The following SDE2 variants were observed in gnomAD, a reference collection of about 807,000 sequenced individuals.
SDE2 encodes the protein splicing regulator SDE2.
In SDE2, 31 loss-of-function variants were observed where a neutral mutation model predicts 46.9. The ratio of observed to expected loss-of-function variants is 0.66; its 90% CI spans 0.50 to 0.89. SDE2 has a LOEUF of 0.89. Ranked by LOEUF, SDE2 falls within the 40% of genes least tolerant of loss-of-function variation. SDE2 has a pLI of 0.00. For missense variants in SDE2, 542 were observed against 564.4 expected, an observed-to-expected ratio of 0.96 and a Z score of 0.40; for synonymous variants, 205 against 204.3, an observed-to-expected ratio of 1.00 and a Z score of -0.03.
chr1:225,990,596 T>C (rs929869489), intron 5 of SDE2, among the ~76,000 whole-genome samples: 4 of 152,206 alleles, frequency 2.6e-5, no homozygotes, highest in African/African-American at 9.7e-5. Flanking sequence ...CCACAGGTAG[T>C]GTCACCACCC....
In SDE2 at chr1:225,989,796, C is replaced by T. The variant is rs377540695; in HGVS notation, c.642-1408G>A. On this transcript the variant is annotated intron_variant, in intron 5 of 6. Coordinates refer to ENST00000272091, the MANE Select transcript of SDE2 (RefSeq NM_152608.4). Reference sequence around the variant, plus strand: ...CACATTTATAAATCCTATGCTTGGGCTGGACGCGGTGGCTCACGCCTATAA... The same window carrying T: ...CACATTTATAAATCCTATGCTTGGGTTGGACGCGGTGGCTCACGCCTATAA... Among the ~76,000 whole-genome samples, 41 of 152,140 alleles carry T rather than the reference C, an allele frequency of 2.7e-4. 1 individual carries two copies. In the South Asian group the frequency reaches 8.3e-3, roughly 31 times the overall value.
At chr1:225,994,490 T>C (rs1224343803) in intron 2 of SDE2, among the ~76,000 whole-genome samples, 1 of 152,262 alleles carries the variant, frequency 6.6e-6, no homozygotes, top group Non-Finnish European at 1.5e-5. Flanking sequence ...GGATCACATG[T>C]TACTACATTA....
At chr1:225,995,950 GC>G (rs1355630932) in intron 1 of SDE2, among the ~76,000 whole-genome samples, 1 of 152,142 alleles carries the variant, frequency 6.6e-6, no homozygotes, top group African/African-American at 2.4e-5. Flanking sequence ...CTGTGTAGCT[GC>G]CCCAGAGCCT....
rs759264875 is a variant in SDE2 at position 225,983,722 on chromosome 1, A to C, written c.*1580T>G. 1 of 152,166 alleles carries C rather than the reference A, an allele frequency of 6.6e-6. No homozygotes were observed. Among genetic ancestry groups the C allele is most frequent in the African/African-American group, 2.4e-5 (1 of 41,436 alleles). 9.4% of individuals were successfully genotyped at this position (152,166 alleles called of 1,614,324 possible). On this transcript the variant is annotated 3_prime_UTR_variant, in exon 7 of 7. Coordinates refer to ENST00000272091, the MANE Select transcript of SDE2 (RefSeq NM_152608.4). ...CCTGGCCTAAAATACGCATTCTTTTAAACTGTGTATGGTACACTCACCATG... is the reference window on the plus strand; with the variant it reads ...CCTGGCCTAAAATACGCATTCTTTTCAACTGTGTATGGTACACTCACCATG...
At chr1:225,992,315 G>T in intron 4 of SDE2, 83 bp downstream of exon 4, 1 of 943,330 alleles carries the variant, frequency 1.1e-6, no homozygotes, top group Non-Finnish European at 1.6e-6. Context: ...CTTAAGAACT[G>T]CTCTTTGTGC....
At chr1:225,986,814 T>C (rs1656280034) in intron 6 of SDE2, among the ~76,000 whole-genome samples, 1 of 152,136 alleles carries the variant, frequency 6.6e-6, no homozygotes, top group African/African-American at 2.4e-5. Context: ...TCCAATAGTC[T>C]CACCAGAAAG....
chr1:225,985,230 G>T lies in SDE2; in HGVS notation c.*72C>A. The T allele has an allele frequency of 8.4e-7, 1 of 1,186,240 alleles. No individual in the cohort carries two copies. Among genetic ancestry groups the T allele is most frequent in the African/African-American group, 1.5e-5 (1 of 66,736 alleles). 73.5% of individuals were successfully genotyped at this position (1,186,240 alleles called of 1,614,324 possible). On this transcript the variant is annotated 3_prime_UTR_variant, in exon 7 of 7. Transcript: ENST00000272091. ...GCTTTTAATATCAACAGGAATACTG[G>T]TCAAGAGTCCACATTATGCAGGTTG...
intron 6 of SDE2, among the ~76,000 whole-genome samples, chr1:225,987,472 T>A (rs768364784): frequency 5.9e-5 from 9 of 152,192 alleles, no homozygotes; most frequent in Non-Finnish European, 1.2e-4. Context: ...GTTCAAGCTA[T>A]CCTCACATTA....
At chr1:225,997,315 A>G (rs1229742797) in intron 1 of SDE2, among the ~76,000 whole-genome samples, 3 of 152,212 alleles carry the variant, frequency 2.0e-5, no homozygotes, top group Admixed American at 6.5e-5. Context: ...CATAGGTGTG[A>G]ACTTGAGCTA....
intron 5 of SDE2, among the ~76,000 whole-genome samples, chr1:225,990,056 C>T (rs115913547): frequency 0.01 from 1,510 of 147,074 alleles, 24 homozygotes; most frequent in African/African-American, 0.035. Context: ...ACCTCAGCAA[C>T]AGAGTGAGGA....
At position 225,985,240 on chromosome 1, in the gene SDE2, C is replaced by T; in HGVS notation, c.*62G>A. The stretch of plus-strand genomic sequence containing the variant: ...TCAACAGGAATACTGGTCAAGAGTC[C>T]ACATTATGCAGGTTGTAAATGGTAG... On this transcript the variant is annotated 3_prime_UTR_variant, in exon 7 of 7. Transcript: ENST00000272091. 2 of 1,283,560 alleles carry T rather than the reference C, an allele frequency of 1.6e-6. No individual in the cohort carries two copies. The highest frequency in any genetic ancestry group is 2.3e-6 in the Non-Finnish European group (2 of 881,136). 79.5% of individuals were successfully genotyped at this position (1,283,560 alleles called of 1,614,324 possible).
In SDE2 at chr1:225,995,398, G is replaced by GT. The variant is rs1656499673; in HGVS notation, c.121-16dup. The GT allele has an allele frequency of 2.1e-6, 3 of 1,430,154 alleles. No homozygotes were observed. Among genetic ancestry groups the GT allele is most frequent in the Middle Eastern group, 1.8e-4 (1 of 5,672 alleles). 88.6% of individuals were successfully genotyped at this position (1,430,154 alleles called of 1,614,324 possible). A position where few individuals can be genotyped will look rare whatever the true frequency, so the allele number is the denominator to read the frequency against. ...ACTGGAACATTCTAGAGACAAATTT[G>GT]TTTTTTTAATGCCTTTTATGAGATA... On this transcript the variant is annotated splice_polypyrimidine_tract_variant and intron_variant, in intron 1 of 6. Transcript: ENST00000272091.
chr1:225,998,579 G>A (rs548767775), intron 1 of SDE2, among the ~76,000 whole-genome samples: 1 of 152,218 alleles, frequency 6.6e-6, no homozygotes, highest in Admixed American at 6.5e-5. Context: ...TGTAACTCTG[G>A]AAGTCCCTGG....
intron 5 of SDE2, among the ~76,000 whole-genome samples, chr1:225,989,666 GC>G (rs1044769996): frequency 2.0e-5 from 3 of 150,978 alleles, no homozygotes; most frequent in Non-Finnish European, 4.4e-5. Context: ...ATTCGGTGCC[GC>G]CCCTTGATTT....
chr1:225,992,912 C>T lies in SDE2; in HGVS notation c.329G>A (p.Arg110His), dbSNP rs1007340146. 8.1e-6 allele frequency: 13 copies of T among 1,609,576 alleles called. No homozygotes were observed. Among genetic ancestry groups the T allele is most frequent in the Admixed American group, 1.7e-5 (1 of 59,962 alleles). ...TTACGCTTTTTCATGATTGACATCG[C>T]GTAGTCTCCTTCCACTGAGATCCCG... ...ACRDLSGRRL[R>H]DVNHEKAMAE... Residue 110 changes from arginine to histidine, a missense_variant, in exon 3 of 7, where the codon CGC becomes CAC. By Grantham distance (29) the Arg-to-His change is conservative (BLOSUM62 0). Transcript: ENST00000272091.
At chr1:225,995,231 G>A (rs1007710540) in intron 2 of SDE2, 35 bp downstream of exon 2, 6 of 997,666 alleles carry the variant, frequency 6.0e-6, no homozygotes, top group Non-Finnish European at 9.5e-6. Flanking sequence ...GACTGCAAAT[G>A]TGTTACAACT....
intron 1 of SDE2, among the ~76,000 whole-genome samples, chr1:225,997,741 G>A (rs965158589): frequency 6.6e-6 from 1 of 152,108 alleles, no homozygotes; most frequent in African/African-American, 2.4e-5. Context: ...TATATTTCTT[G>A]CTTCCGATTT....
intron 5 of SDE2, among the ~76,000 whole-genome samples, chr1:225,988,839 TATAAAC>T (rs1250146411): frequency 6.6e-6 from 1 of 152,130 alleles, no homozygotes; most frequent in Non-Finnish European, 1.5e-5. Context: ...TTCTAGAGCT[TATAAAC>T]AGAAGGAAAA....
chr1:225,989,620 T>G (rs1486956366), intron 5 of SDE2, among the ~76,000 whole-genome samples: 1 of 149,546 alleles, frequency 6.7e-6, no homozygotes, highest in East Asian at 2.0e-4. Context: ...CAGAGCAAGA[T>G]TCTGTCTCAA....
Sources: gnomAD v4.1 joint callset for allele counts (sites outside exome capture counted in the v4.1 genomes callset) on GRCh38, gnomAD v4.1.1 for gene constraint, MANE v1.5 for transcripts, NCBI Gene and HGNC (gene_info 2026-07-23, HGNC 2026-07-21) for gene names.